Variants in TUT7 observed in about 807,000 individuals in gnomAD.
TUT7 encodes terminal uridylyltransferase 7.
Under a neutral mutation model 165.9 loss-of-function variants are expected in TUT7, and 33 were observed. That is an observed-to-expected ratio of 0.20 (90% CI 0.15 to 0.27). The LOEUF (loss-of-function observed/expected upper bound fraction) is 0.27, where lower values mean the gene tolerates loss of function less well. Ranked by LOEUF, TUT7 falls within the 10% of genes least tolerant of loss-of-function variation. TUT7 has a pLI of 1.00. For missense variants in TUT7, 1,338 were observed against 1,762.3 expected (o/e 0.76, Z 4.31); for synonymous variants, 552 against 608.1 (o/e 0.91, Z 1.36).
chr9:86,345,209 T>G, intron 4 of TUT7, 55 bp from the exon 5 acceptor site: 16 of 1,530,952 alleles, frequency 1.0e-5, no homozygotes, highest in Non-Finnish European at 1.4e-5. Flanking sequence ...TTTGACCTTC[T>G]ACCACTCATG....
intron 6 of TUT7, 122 bp from the exon 7 acceptor site, chr9:86,341,175 TAAAGA>T (rs1417398223): frequency 7.7e-6 from 6 of 777,250 alleles, no homozygotes; most frequent in Non-Finnish European, 1.3e-5. Context: ...GCTATCAAAG[TAAAGA>T]AATTACTCAC....
chr9:86,293,239 CAA>C (rs947371330), intron 26 of TUT7, among the ~76,000 whole-genome samples: 23 of 152,058 alleles, frequency 1.5e-4, no homozygotes, highest in African/African-American at 5.3e-4. Flanking sequence ...CATCTGAGCC[CAA>C]GAGTTCAAGA....
At chr9:86,337,611 C>A in intron 9 of TUT7, 73 bp from the exon 10 acceptor site, 1 of 1,503,380 alleles carries the variant, frequency 6.7e-7, no homozygotes, top group Non-Finnish European at 9.0e-7. Flanking sequence ...TGGCCTAAAA[C>A]CTGTAACCTC....
intron 25 of TUT7, among the ~76,000 whole-genome samples, chr9:86,302,725 T>C (rs1827059151): frequency 6.6e-6 from 1 of 151,854 alleles, no homozygotes; most frequent in Admixed American, 6.6e-5. Context: ...CAAGCGATTC[T>C]GCAGCCTCAG....
Position 86,328,347 on chromosome 9 carries a change from C to T in TUT7, c.1601G>A (p.Arg534Lys), listed in dbSNP as rs544962008. 1.9e-6 allele frequency: 3 copies of T among 1,602,152 alleles called. No homozygotes were observed. The highest frequency in any genetic ancestry group is 2.7e-5 in the African/African-American group (2 of 74,154). Residue 534 changes from arginine (R) to lysine (K), a missense_variant, in exon 11 of 27, where the codon AGG (arginine) becomes AAG (lysine). By Grantham distance (26) the Arg-to-Lys change is conservative (BLOSUM62 2). Coordinates refer to ENST00000375963, the MANE Select transcript of TUT7 (RefSeq NM_024617.4). ...AAACAAAAGAGAACAGACCTGTCCC[C>T]TTTTAATCGGCGTTTCTCTTGGTGC... Reference protein sequence around the residue: ...EEAPRETPIKRGQVSLILDVK... With the variant: ...EEAPRETPIKKGQVSLILDVK...
Position 86,317,293 on chromosome 9 carries a change from A to G in TUT7, c.3217-17T>C, listed in dbSNP as rs1470537379. 9 of 1,610,320 alleles carry G rather than the reference A, an allele frequency of 5.6e-6. No homozygotes were observed. ...GTCCAATCCCTACAACAAAGAAGGC[A>G]TAAAGAACTTAACCAAAACTGGAAG... On this transcript the variant is annotated splice_polypyrimidine_tract_variant and intron_variant, in intron 16 of 26. Coordinates refer to ENST00000375963, the MANE Select transcript of TUT7 (RefSeq NM_024617.4).
intron 17 of TUT7, among the ~76,000 whole-genome samples, chr9:86,316,506 A>G (rs1234529654): frequency 6.6e-6 from 1 of 152,186 alleles, no homozygotes; most frequent in African/African-American, 2.4e-5. Flanking sequence ...ACAGCTGCAA[A>G]TTCAACCCAC....
intron 14 of TUT7, 78 bp downstream of exon 14, chr9:86,322,247 A>G: frequency 7.3e-7 from 1 of 1,375,028 alleles, no homozygotes. Context: ...AGAGACCTAA[A>G]TAGGATAGTG....
At chr9:86,325,031 T>C (rs892055378) in intron 12 of TUT7, among the ~76,000 whole-genome samples, 3 of 152,156 alleles carry the variant, frequency 2.0e-5, no homozygotes, top group Non-Finnish European at 4.4e-5. Flanking sequence ...GAAAGGGGGA[T>C]TTACACATCA....
At chr9:86,346,202 G>C in intron 3 of TUT7, 97 bp downstream of exon 3, 1 of 1,159,084 alleles carries the variant, frequency 8.6e-7, no homozygotes, top group Non-Finnish European at 1.2e-6. Context: ...AACCAAAGTA[G>C]GATATCTAAT....
At chr9:86,291,614 CCA>C (rs1437440058) in intron 26 of TUT7, among the ~76,000 whole-genome samples, 1 of 150,602 alleles carries the variant, frequency 6.6e-6, no homozygotes, top group Non-Finnish European at 1.5e-5. Flanking sequence ...CCTTGCATCA[CCA>C]GAGTCATACA....
intron 24 of TUT7, among the ~76,000 whole-genome samples, chr9:86,304,024 T>C (rs890557371): frequency 6.6e-6 from 1 of 152,166 alleles, no homozygotes; most frequent in Non-Finnish European, 1.5e-5. Flanking sequence ...AAGTTTCAGA[T>C]AGACAGGAGG....
chr9:86,345,647 G>C, intron 4 of TUT7, 22 bp downstream of exon 4: 4 of 1,546,178 alleles, frequency 2.6e-6, no homozygotes, highest in Non-Finnish European at 3.6e-6. Flanking sequence ...AAGCAGACTT[G>C]TTTGGGTTAC....
At chr9:86,290,857 C>T (rs539993000) in intron 26 of TUT7, among the ~76,000 whole-genome samples, 1 of 151,504 alleles carries the variant, frequency 6.6e-6, no homozygotes, top group African/African-American at 2.4e-5. Flanking sequence ...AAGACTCCAT[C>T]TCAAAAAAGA....
At chr9:86,302,497 T>C (rs1430169932) in intron 25 of TUT7, among the ~76,000 whole-genome samples, 1 of 152,198 alleles carries the variant, frequency 6.6e-6, no homozygotes, top group Non-Finnish European at 1.5e-5. Context: ...AAAGGAAGAA[T>C]TTTTGTTTCC....
chr9:86,330,351 T>G (rs700769), intron 10 of TUT7, among the ~76,000 whole-genome samples: 37,391 of 152,250 alleles, frequency 0.25, 6,188 homozygotes, highest in Non-Finnish European at 0.35. Flanking sequence ...TGAGCCACCA[T>G]GCCCGGCCCT....
chr9:86,305,389 CAAA>C, intron 22 of TUT7, 150 bp from the exon 23 acceptor site: 6 of 576,572 alleles, frequency 1.0e-5, no homozygotes, highest in Middle Eastern at 4.7e-4. Flanking sequence ...AAAAGAAGTG[CAAA>C]AAAAAGTTTA....
chr9:86,317,875 C>T (rs1391354916), intron 16 of TUT7, among the ~76,000 whole-genome samples: 4 of 152,008 alleles, frequency 2.6e-5, no homozygotes, highest in Admixed American at 1.3e-4. Flanking sequence ...CCAGAACATA[C>T]GTGGAATGTT....
chr9:86,345,191 C>A, intron 4 of TUT7, 37 bp from the exon 5 acceptor site: 2 of 1,578,516 alleles, frequency 1.3e-6, no homozygotes, highest in South Asian at 2.4e-5. Flanking sequence ...AAATGACTTA[C>A]ACATAGTTTT....
Sources: allele counts gnomAD v4.1 joint callset (sites outside exome capture counted in the v4.1 genomes callset), GRCh38; gene constraint gnomAD v4.1.1; transcripts MANE v1.5; gene names NCBI Gene and HGNC (gene_info 2026-07-23, HGNC 2026-07-21).